The following PRKG1 variants were observed in gnomAD, a reference collection of about 807,000 sequenced individuals.
The protein encoded by PRKG1 is protein kinase cGMP-dependent 1.
Under a neutral mutation model 88.1 loss-of-function variants are expected in PRKG1, and 35 were observed. The ratio of observed to expected loss-of-function variants is 0.40; its 90% CI spans 0.30 to 0.53. The LOEUF is 0.53. Among genes scored for constraint, PRKG1 ranks in the 20% least tolerant of loss-of-function variants. PRKG1 has a pLI of 0.59. For synonymous variants in PRKG1, 303 were observed against 292.5 expected (o/e 1.04, Z -0.37); for missense variants, 540 against 839.8 (o/e 0.64, Z 4.41).
At chr10:51,073,141 C>G (rs1214642902), upstream of PRKG1, among the ~76,000 whole-genome samples, 1 of 152,074 alleles carries the variant, frequency 6.6e-6, no homozygotes, top group Non-Finnish European at 1.5e-5. Flanking sequence ...TTTGGGGATT[C>G]TAAACATGTG....
intron 3 of PRKG1, among the ~76,000 whole-genome samples, chr10:51,603,135 T>G (rs1463975500): frequency 2.0e-5 from 3 of 151,984 alleles, no homozygotes; most frequent in Non-Finnish European, 4.4e-5. Context: ...TTTTTGTATT[T>G]TTAGTAGAGA....
At chr10:51,948,678 A>T (rs1228853614) in intron 5 of PRKG1, among the ~76,000 whole-genome samples, 2 of 152,166 alleles carry the variant, frequency 1.3e-5, no homozygotes, top group Non-Finnish European at 2.9e-5. Flanking sequence ...GTTGTCAAAG[A>T]CAGAGTTTCA....
At chr10:51,818,043 G>A (rs1221639982) in intron 4 of PRKG1, among the ~76,000 whole-genome samples, 3 of 152,138 alleles carry the variant, frequency 2.0e-5, no homozygotes, top group East Asian at 3.9e-4. Flanking sequence ...TATCTCAACA[G>A]ATGGAAGACA....
chr10:52,065,791 C>T (rs1313617476), intron 7 of PRKG1, among the ~76,000 whole-genome samples: 1 of 152,134 alleles, frequency 6.6e-6, no homozygotes, highest in Non-Finnish European at 1.5e-5. Flanking sequence ...CTTAATCTTG[C>T]TTTCCTTTGA....
At chr10:51,541,490 T>G (rs557475396) in intron 3 of PRKG1, among the ~76,000 whole-genome samples, 30 of 152,340 alleles carry the variant, frequency 2.0e-4, no homozygotes, top group African/African-American at 7.2e-4. Flanking sequence ...TGCTATTCTT[T>G]TGAGCTTTCT....
chr10:51,385,479 C>T (rs1353599700), intron 2 of PRKG1, among the ~76,000 whole-genome samples: 1 of 152,196 alleles, frequency 6.6e-6, no homozygotes, highest in Non-Finnish European at 1.5e-5. Context: ...TGTTTACCCA[C>T]AGTAGCCCAT....
intron 2 of PRKG1, among the ~76,000 whole-genome samples, chr10:51,172,549 C>T (rs1382791819): frequency 6.6e-6 from 1 of 151,694 alleles, no homozygotes; most frequent in African/African-American, 2.4e-5. Context: ...TGAAAATTGG[C>T]CCTGTCTTTT....
intron 3 of PRKG1, among the ~76,000 whole-genome samples, chr10:51,695,321 C>CA (rs1440581589): frequency 6.6e-6 from 1 of 152,182 alleles, no homozygotes; most frequent in Non-Finnish European, 1.5e-5. Flanking sequence ...TTTCAACTGT[C>CA]AAACTATATA....
rs1209644631 is a variant in PRKG1 at position 50,991,507 on chromosome 10, C to T, written c.129C>T (p.Cys43=). Residue 43 remains cysteine, a synonymous_variant, in exon 1 of 18, where the codon TGC becomes TGT. Transcript: ENST00000401604. The surrounding 1 kb of genome is among the most constrained non-coding windows in gnomAD (Gnocchi z 4.5). Reference sequence around the variant, plus strand: ...AGCTGAAGAGGAAACTCCACAAATGCCAGTCGGTGCTCCCAGTGCCCTCGA... The same window carrying T: ...AGCTGAAGAGGAAACTCCACAAATGTCAGTCGGTGCTCCCAGTGCCCTCGA... 1 of 1,611,604 alleles carries T rather than the reference C, an allele frequency of 6.2e-7. No individual in the cohort carries two copies. The highest frequency in any genetic ancestry group is 2.2e-5 in the East Asian group (1 of 44,692).
chr10:51,819,962 T>C (rs1438154777), intron 4 of PRKG1, among the ~76,000 whole-genome samples: 1 of 152,196 alleles, frequency 6.6e-6, no homozygotes, highest in East Asian at 1.9e-4. Flanking sequence ...GAGGCACAGA[T>C]GACATCTTTA....
chr10:51,176,232 A>C (rs1837187594), intron 2 of PRKG1, among the ~76,000 whole-genome samples: 1 of 152,124 alleles, frequency 6.6e-6, no homozygotes, highest in African/African-American at 2.4e-5. Context: ...GACTCATTTC[A>C]CTAATGAAAA....
chr10:51,864,363 T>A (rs555923934), intron 4 of PRKG1, among the ~76,000 whole-genome samples: 7 of 152,358 alleles, frequency 4.6e-5, no homozygotes, highest in South Asian at 2.1e-4. Context: ...ACATTTACTC[T>A]ATGTGTTGAT....
intron 2 of PRKG1, among the ~76,000 whole-genome samples, chr10:51,382,898 C>A (rs1355162221): frequency 6.6e-6 from 1 of 152,104 alleles, no homozygotes; most frequent in African/African-American, 2.4e-5. Flanking sequence ...AAAGGAGAAT[C>A]CAAACATAGA....
intron 1 of PRKG1, among the ~76,000 whole-genome samples, chr10:51,129,658 C>T (rs915026834): frequency 2.0e-5 from 3 of 151,668 alleles, no homozygotes; most frequent in African/African-American, 7.3e-5. Flanking sequence ...TTGGATATGA[C>T]ACAAACTAGA....
intron 3 of PRKG1, among the ~76,000 whole-genome samples, chr10:51,704,961 A>T (rs141155656): frequency 2.0e-5 from 3 of 152,254 alleles, no homozygotes; most frequent in Non-Finnish European, 1.5e-5. Flanking sequence ...ATACCTTATA[A>T]CTTTTAATCT....
intron 2 of PRKG1, among the ~76,000 whole-genome samples, chr10:51,380,133 C>T (rs1003534320): frequency 2.0e-5 from 3 of 152,166 alleles, no homozygotes; most frequent in African/African-American, 7.2e-5. Context: ...TAAATATTCC[C>T]TTTCCCTGCC....
intron 2 of PRKG1, among the ~76,000 whole-genome samples, chr10:51,350,746 A>G (rs1352304610): frequency 6.6e-6 from 1 of 152,200 alleles, no homozygotes; most frequent in Non-Finnish European, 1.5e-5. Context: ...CAAGAAATCA[A>G]CATACAAAAA....
chr10:51,670,740 A>AAAAAAAAT (rs1365706740), intron 3 of PRKG1, among the ~76,000 whole-genome samples: 21 of 115,370 alleles, frequency 1.8e-4, no homozygotes, highest in African/African-American at 7.0e-4. Flanking sequence ...CGTCTCAAAA[A>AAAAAAAAT]AAAATAAATA....
intron 3 of PRKG1, among the ~76,000 whole-genome samples, chr10:51,532,912 A>G (rs1433906776): frequency 6.6e-6 from 1 of 151,908 alleles, no homozygotes; most frequent in Non-Finnish European, 1.5e-5. Context: ...TTGAGAGTCC[A>G]TGATTGGGTA....
Sources: gnomAD v4.1 joint callset for allele counts (sites outside exome capture counted in the v4.1 genomes callset) on GRCh38, gnomAD v4.1.1 for gene constraint, Gnocchi (gnomAD v3.1) non-coding constraint, MANE v1.5 for transcripts, NCBI Gene and HGNC (gene_info 2026-07-23, HGNC 2026-07-21) for gene names.